VSTM4: variants seen among roughly 807,000 people sequenced by gnomAD.
VSTM4 encodes the protein V-set and transmembrane domain-containing protein 4.
A neutral mutation model predicts 36.4 loss-of-function variants in VSTM4; 20 were observed. The observed-to-expected ratio is 0.55, with a 90% CI of 0.39 to 0.80. VSTM4 has a LOEUF of 0.80. VSTM4 is among the 30% of genes least tolerant of loss of function. VSTM4 has a pLI of 0.00. For missense variants in VSTM4, 392 were observed against 404.5 expected (o/e 0.97, Z 0.26); for synonymous variants, 182 against 173.9 (o/e 1.05, Z -0.37).
At position 49,019,647 on chromosome 10, in the gene VSTM4, G is replaced by A. The variant is rs1002143537; in HGVS notation, c.*3C>T. On this transcript the variant is annotated 3_prime_UTR_variant, in exon 8 of 8. Coordinates refer to ENST00000332853, the MANE Select transcript of VSTM4 (RefSeq NM_001031746.5). The stretch of plus-strand genomic sequence containing the variant: ...AAATAGAACCTTGGAGGTGGACGCT[G>A]TACTACAGCTTGTTCTCCTCGAAGA... 1 of 1,609,338 alleles carries A rather than the reference G, an allele frequency of 6.2e-7. No homozygotes were observed. Among genetic ancestry groups the A allele is most frequent in the Non-Finnish European group, 8.5e-7 (1 of 1,177,728 alleles).
intron 2 of VSTM4, among the ~76,000 whole-genome samples, chr10:49,090,337 T>C (rs1222486518): frequency 6.6e-6 from 1 of 152,164 alleles, no homozygotes; most frequent in Non-Finnish European, 1.5e-5. Flanking sequence ...CTTGTACCAA[T>C]TTGCTGACTC....
intron 5 of VSTM4, among the ~76,000 whole-genome samples, chr10:49,056,855 C>G (rs1843788248): frequency 6.6e-6 from 1 of 152,150 alleles, no homozygotes; most frequent in African/African-American, 2.4e-5. Context: ...GGTAATTTAT[C>G]AAGAAAAGAG....
At chr10:49,088,640 T>C (rs1012109613) in intron 2 of VSTM4, among the ~76,000 whole-genome samples, 4 of 152,242 alleles carry the variant, frequency 2.6e-5, no homozygotes, top group East Asian at 3.8e-4. Flanking sequence ...CAAAGCTTGA[T>C]GGCACTCTGG....
At chr10:49,103,966 C>T (rs1019726450) in intron 2 of VSTM4, 3 of 912,478 alleles carry the variant, frequency 3.3e-6, no homozygotes, top group African/African-American at 3.3e-5. Flanking sequence ...TATTCTAACC[C>T]AAAGGTACGG....
At chr10:49,027,092 G>A (rs974806708) in intron 7 of VSTM4, among the ~76,000 whole-genome samples, 14 of 152,070 alleles carry the variant, frequency 9.2e-5, no homozygotes, top group Admixed American at 7.9e-4. Flanking sequence ...TGCCATTGGC[G>A]GCCACACTCT....
intron 5 of VSTM4, among the ~76,000 whole-genome samples, chr10:49,055,985 A>C (rs1218297586): frequency 6.6e-6 from 1 of 152,276 alleles, no homozygotes; most frequent in African/African-American, 2.4e-5. Context: ...GCACCCAGAA[A>C]GGATGCCAGA....
chr10:49,055,529 G>T (rs1843764983), intron 5 of VSTM4, among the ~76,000 whole-genome samples: 1 of 152,180 alleles, frequency 6.6e-6, no homozygotes, highest in African/African-American at 2.4e-5. Context: ...ATGAATAATA[G>T]TAACAACTGT....
chr10:49,099,800 A>G (rs1844634960), intron 2 of VSTM4, among the ~76,000 whole-genome samples: 1 of 152,218 alleles, frequency 6.6e-6, no homozygotes, highest in Admixed American at 6.5e-5. Flanking sequence ...TTCTCCAGAG[A>G]TTCTGTCCCT....
At position 49,102,581 on chromosome 10, in the gene VSTM4, T is replaced by C. The variant is rs1024830549; in HGVS notation, c.457+5013A>G. 2.6e-5 allele frequency: 26 copies of C among 985,218 alleles called. No individual in the cohort carries two copies. The African/African-American group carries it at 3.7e-4, about 14-fold the overall frequency. 61.0% of individuals were successfully genotyped at this position (985,218 alleles called of 1,614,324 possible). The stretch of plus-strand genomic sequence containing the variant: ...TGGGAGAGCACTCCATGGGCTGGCA[T>C]GCCCAAAGAAGGCATTGATGGAAGA... On this transcript the variant is annotated intron_variant, in intron 2 of 7. Transcript: ENST00000332853.
intron 7 of VSTM4, among the ~76,000 whole-genome samples, chr10:49,026,238 C>G (rs879106806): frequency 6.6e-6 from 1 of 152,214 alleles, no homozygotes; most frequent in South Asian, 2.1e-4. Flanking sequence ...CCTCAATGAA[C>G]CACTGGATTG....
chr10:49,092,241 T>C (rs971816603), intron 2 of VSTM4, among the ~76,000 whole-genome samples: 24 of 152,182 alleles, frequency 1.6e-4, no homozygotes, highest in Admixed American at 3.9e-4. Context: ...CTGAGAGGGT[T>C]TGGGACTCTG....
chr10:49,053,567 T>C (rs1427266025), intron 5 of VSTM4, among the ~76,000 whole-genome samples: 1 of 152,202 alleles, frequency 6.6e-6, no homozygotes, highest in Non-Finnish European at 1.5e-5. Flanking sequence ...TGAGAGAGCA[T>C]AGCCTAAATT....
chr10:49,046,554 A>G (rs906018624), intron 7 of VSTM4, among the ~76,000 whole-genome samples: 2 of 152,250 alleles, frequency 1.3e-5, no homozygotes, highest in African/African-American at 2.4e-5. Flanking sequence ...GAGAAGGTGG[A>G]TGAAGGTACA....
intron 7 of VSTM4, among the ~76,000 whole-genome samples, chr10:49,024,275 A>T (rs1449439256): frequency 6.6e-6 from 1 of 152,118 alleles, no homozygotes; most frequent in Non-Finnish European, 1.5e-5. Flanking sequence ...CTCACTTTTC[A>T]TATTAGAAAA....
At chr10:49,073,974 C>A (rs761362332) in intron 4 of VSTM4, among the ~76,000 whole-genome samples, 24 of 152,198 alleles carry the variant, frequency 1.6e-4, no homozygotes, top group Non-Finnish European at 2.8e-4. Flanking sequence ...ACCCTACCAA[C>A]AGTTGGGATG....
At chr10:49,088,517 G>T (rs1282648591) in intron 2 of VSTM4, among the ~76,000 whole-genome samples, 3 of 152,224 alleles carry the variant, frequency 2.0e-5, no homozygotes, top group Non-Finnish European at 4.4e-5. Flanking sequence ...TGTGGTTATT[G>T]TGAGCCCTGA....
At chr10:49,043,249 T>C (rs755099217) in intron 7 of VSTM4, among the ~76,000 whole-genome samples, 1 of 152,194 alleles carries the variant, frequency 6.6e-6, no homozygotes, top group Non-Finnish European at 1.5e-5. Flanking sequence ...ATAAAAATAA[T>C]AGAAAATATT....
intron 1 of VSTM4, among the ~76,000 whole-genome samples, chr10:49,113,514 G>A (rs1031369009): frequency 6.6e-6 from 1 of 152,196 alleles, no homozygotes; most frequent in Non-Finnish European, 1.5e-5. Context: ...CTGAGGTACA[G>A]AGAGGCTAAG....
At chr10:49,112,415 G>T (rs1844911439) in intron 1 of VSTM4, among the ~76,000 whole-genome samples, 1 of 152,264 alleles carries the variant, frequency 6.6e-6, no homozygotes, top group African/African-American at 2.4e-5. Flanking sequence ...GCTGGCATCT[G>T]ACAGAACCAG....
Sources: allele counts gnomAD v4.1 joint callset (sites outside exome capture counted in the v4.1 genomes callset), GRCh38; gene constraint gnomAD v4.1.1; transcripts MANE v1.5; gene names NCBI Gene and HGNC (gene_info 2026-07-23, HGNC 2026-07-21).